Variants in NYAP2 observed in about 807,000 individuals in gnomAD.
NYAP2 encodes neuronal tyrosine-phosphorylated phosphoinositide-3-kinase adaptor 2, also known as neuronal tyrosine-phosphorylated phosphoinositide-3-kinase adapter 2.
A neutral mutation model predicts 50.4 loss-of-function variants in NYAP2; 23 were observed. The ratio of observed to expected loss-of-function variants is 0.46; its 90% CI spans 0.33 to 0.65. The LOEUF (loss-of-function observed/expected upper bound fraction) is 0.65. Among genes scored for constraint, NYAP2 ranks in the 30% least tolerant of loss-of-function variants. NYAP2 has a pLI of 0.02. For synonymous variants in NYAP2, 394 were observed against 365.2 expected, an observed-to-expected ratio of 1.08 and a Z score of -0.90; for missense variants, 885 against 861.0, an observed-to-expected ratio of 1.03 and a Z score of -0.35.
chr2:225,432,355 A>G (rs1003705835), intron 3 of NYAP2, among the ~76,000 whole-genome samples: 2 of 150,646 alleles, frequency 1.3e-5, no homozygotes, highest in Non-Finnish European at 3.0e-5. Context: ...TTATATGTAC[A>G]TTTGTACTGT....
downstream of NYAP2, among the ~76,000 whole-genome samples, chr2:225,657,161 C>T (rs543146404): frequency 1.5e-4 from 20 of 134,556 alleles, no homozygotes; most frequent in South Asian, 3.8e-3. Context: ...CCTAGGCTGG[C>T]GTGCAATGAT....
chr2:225,462,882 G>A (rs781338236), intron 3 of NYAP2, among the ~76,000 whole-genome samples: 3 of 152,062 alleles, frequency 2.0e-5, no homozygotes, highest in South Asian at 2.1e-4. Context: ...TGTTTAGTCC[G>A]GATAATCTTA....
chr2:225,433,645 C>T (rs1305699983), intron 3 of NYAP2, among the ~76,000 whole-genome samples: 1 of 150,996 alleles, frequency 6.6e-6, no homozygotes, highest in East Asian at 2.0e-4. Flanking sequence ...TTTAAATAGT[C>T]CTGAGTAAAT....
At chr2:225,451,404 CA>C in intron 3 of NYAP2, among the ~76,000 whole-genome samples, 1 of 151,880 alleles carries the variant, frequency 6.6e-6, no homozygotes, top group Admixed American at 6.6e-5. Flanking sequence ...CCTTTTTATA[CA>C]AAAAATAATT....
At chr2:225,417,296 CT>C (rs1695142614) in intron 3 of NYAP2, among the ~76,000 whole-genome samples, 1 of 152,024 alleles carries the variant, frequency 6.6e-6, no homozygotes, top group Non-Finnish European at 1.5e-5. Flanking sequence ...TTGAGGTAGC[CT>C]AAAGAAAATG....
chr2:225,520,122 T>C (rs1574655905), intron 4 of NYAP2, among the ~76,000 whole-genome samples: 1 of 152,336 alleles, frequency 6.6e-6, no homozygotes, highest in East Asian at 1.9e-4. Context: ...TGGGGTTGTT[T>C]GTTTATTTCT....
At chr2:225,702,686 G>A in the NYAP2 span, 1 of 151,572 alleles carries the variant, frequency 6.6e-6, no homozygotes, top group Non-Finnish European at 1.5e-5. Flanking sequence ...ATTGTGACTT[G>A]GGGTTTGGAT....
At chr2:225,476,196 G>A (rs1197822478) in intron 3 of NYAP2, among the ~76,000 whole-genome samples, 1 of 152,076 alleles carries the variant, frequency 6.6e-6, no homozygotes, top group African/African-American at 2.4e-5. Flanking sequence ...GGCGGATCAC[G>A]AGGTCAGGAG....
rs553486478 is a variant in NYAP2, at chr2:225,566,113, G to A, written c.524-15828G>A. On this transcript the variant is annotated intron_variant, in intron 4 of 6. Transcript: ENST00000636099. ...ATTGTACCTACCTCATAGGGATGTT[G>A]TAAGGATTACATGAAATAATCCCCC... 2.6e-5 allele frequency among the ~76,000 whole-genome samples: 4 copies of A among 152,252 alleles called. No homozygotes were observed. In the South Asian group the frequency reaches 8.3e-4, roughly 32 times the overall value.
chr2:225,575,611 T>A (rs1404795550), intron 4 of NYAP2, among the ~76,000 whole-genome samples: 5 of 152,230 alleles, frequency 3.3e-5, no homozygotes, highest in African/African-American at 1.2e-4. Flanking sequence ...TAGCTTGAGC[T>A]TCCTTACAGC....
At chr2:225,632,188 C>T (rs140061300) in intron 6 of NYAP2, among the ~76,000 whole-genome samples, 1 of 152,156 alleles carries the variant, frequency 6.6e-6, no homozygotes. Flanking sequence ...GTAGGTACAT[C>T]AAGAGGGAGT....
chr2:225,609,656 G>A (rs1215785180), intron 5 of NYAP2, among the ~76,000 whole-genome samples: 7 of 152,156 alleles, frequency 4.6e-5, no homozygotes, highest in African/African-American at 1.4e-4. Context: ...GAGAATCAGA[G>A]TGAGAACCTC....
At chr2:225,576,871 C>T (rs1692177940) in intron 4 of NYAP2, among the ~76,000 whole-genome samples, 1 of 152,110 alleles carries the variant, frequency 6.6e-6, no homozygotes, top group Non-Finnish European at 1.5e-5. Context: ...GGAATCTGGG[C>T]TGGATATCTC....
chr2:225,432,449 T>C lies in NYAP2; in HGVS notation c.221+23348T>C, dbSNP rs188258850. ...ATATATAAATTTATGTATATATGTG[T>C]GTATATCTATTATATAGCTATATAA... On this transcript the variant is annotated intron_variant, in intron 3 of 6. Transcript: ENST00000636099. 2.8e-3 allele frequency among the ~76,000 whole-genome samples: 419 copies of C among 149,860 alleles called. 2 individuals carry two copies. The highest frequency in any genetic ancestry group is 8.4e-3 in the African/African-American group (347 of 41,138).
At chr2:225,470,562 G>A (rs530890297) in intron 3 of NYAP2, among the ~76,000 whole-genome samples, 1 of 152,182 alleles carries the variant, frequency 6.6e-6, no homozygotes, top group African/African-American at 2.4e-5. Context: ...TGGGTAAAAA[G>A]CAATTGGAAT....
At chr2:225,523,390 G>A (rs189629973) in intron 4 of NYAP2, among the ~76,000 whole-genome samples, 4 of 150,792 alleles carry the variant, frequency 2.7e-5, no homozygotes, top group African/African-American at 7.3e-5. Flanking sequence ...ACCACGATAG[G>A]AAATCAACAT....
intron 3 of NYAP2, among the ~76,000 whole-genome samples, chr2:225,437,523 T>C (rs765692606): frequency 6.6e-6 from 1 of 152,182 alleles, no homozygotes; most frequent in Non-Finnish European, 1.5e-5. Flanking sequence ...ATCACAATTG[T>C]TTCATGTTTT....
chr2:225,480,350 CA>C (rs1690185507), intron 3 of NYAP2, among the ~76,000 whole-genome samples: 1 of 151,820 alleles, frequency 6.6e-6, no homozygotes, highest in African/African-American at 2.4e-5. Context: ...AAGTCTGATA[CA>C]AACCAAAATG....
upstream of NYAP2, among the ~76,000 whole-genome samples, chr2:225,399,097 G>A (rs555417349): frequency 6.6e-6 from 1 of 152,130 alleles, no homozygotes; most frequent in South Asian, 2.1e-4. Context: ...AAACCAACCT[G>A]CAAGTGAAGG....
Sources: allele counts gnomAD v4.1 joint callset (sites outside exome capture counted in the v4.1 genomes callset), GRCh38; gene constraint gnomAD v4.1.1; transcripts MANE v1.5; gene names NCBI Gene and HGNC (gene_info 2026-07-23, HGNC 2026-07-21).